The following RBM19 variants were observed in gnomAD, a reference collection of about 807,000 sequenced individuals.
The protein encoded by RBM19 is probable RNA-binding protein 19.
RBM19 carries 94 observed loss-of-function variants against 116.8 expected under a neutral mutation model. The ratio of observed to expected loss-of-function variants is 0.80; its 90% CI spans 0.68 to 0.95. The LOEUF (loss-of-function observed/expected upper bound fraction) is 0.95. Ranked by LOEUF, RBM19 falls within the 40% of genes least tolerant of loss-of-function variation. RBM19 has a pLI of 0.00. For synonymous variants in RBM19, 475 were observed against 494.1 expected (o/e 0.96, Z 0.51); for missense variants, 1,161 against 1,220.7 (o/e 0.95, Z 0.73).
At chr12:113,942,246 C>T in intron 14 of RBM19, 78 bp downstream of exon 14, 1 of 1,213,966 alleles carries the variant, frequency 8.2e-7, no homozygotes, top group Non-Finnish European at 1.2e-6. Context: ...TCCTTAAATC[C>T]ATCTGCATCT....
chr12:113,914,434 C>T (rs1239644129), intron 21 of RBM19, among the ~76,000 whole-genome samples: 4 of 152,236 alleles, frequency 2.6e-5, no homozygotes, highest in South Asian at 2.1e-4. Flanking sequence ...TCCCCAACCC[C>T]GGCTGGACAT....
At chr12:113,920,120 C>A in intron 19 of RBM19, among the ~76,000 whole-genome samples, 1 of 152,196 alleles carries the variant, frequency 6.6e-6, no homozygotes, top group East Asian at 1.9e-4. Flanking sequence ...GGTCCCTCCT[C>A]CCCAACTACC....
At chr12:113,949,914 G>A (rs915764594) in intron 9 of RBM19, among the ~76,000 whole-genome samples, 169 bp downstream of exon 9, 11 of 152,132 alleles carry the variant, frequency 7.2e-5, no homozygotes, top group African/African-American at 2.2e-4. Flanking sequence ...AAAGGGCAGG[G>A]ATTTGGGTCT....
intron 17 of RBM19, among the ~76,000 whole-genome samples, chr12:113,925,570 G>A (rs915172900): frequency 2.0e-5 from 3 of 152,298 alleles, no homozygotes; most frequent in Non-Finnish European, 2.9e-5. Context: ...TGATCGCTAC[G>A]CATGGCTCTC....
chr12:113,905,976 G>A (rs1192711238), intron 21 of RBM19, among the ~76,000 whole-genome samples: 1 of 152,232 alleles, frequency 6.6e-6, no homozygotes, highest in Non-Finnish European at 1.5e-5. Flanking sequence ...ACCAAGTGTG[G>A]ACGAGGATGA....
intron 23 of RBM19, among the ~76,000 whole-genome samples, chr12:113,823,885 T>C (rs1435683482): frequency 2.6e-5 from 4 of 152,158 alleles, no homozygotes; most frequent in Non-Finnish European, 5.9e-5. Context: ...GTGCAGTACA[T>C]GGCTGGCATA....
In RBM19 at chr12:113,823,261, C is replaced by A. The variant is rs200223784; in HGVS notation, c.2846G>T (p.Ser949Ile). ...LDEILEQLEG[S>I]DSDSEEQTLQ... ...GGTCTGCTCCTCGCTGTCGCTGTCACTGCCTTCCAGCTGCTCCAGGATCTC... is the reference window on the plus strand; with the variant it reads ...GGTCTGCTCCTCGCTGTCGCTGTCAATGCCTTCCAGCTGCTCCAGGATCTC... Residue 949 changes from serine to isoleucine, a missense_variant, in exon 24 of 24, where the codon AGT becomes ATT. By Grantham distance (142) the Ser-to-Ile change is moderately radical. Transcript: ENST00000261741. 10 of 1,612,884 alleles carry A rather than the reference C, an allele frequency of 6.2e-6. No individual in the cohort carries two copies. In the East Asian group the frequency reaches 1.8e-4, roughly 29 times the overall value.
intron 23 of RBM19, among the ~76,000 whole-genome samples, chr12:113,831,317 G>A (rs966076735): frequency 6.6e-6 from 1 of 152,172 alleles, no homozygotes; most frequent in South Asian, 2.1e-4. Context: ...TGGTCATGAA[G>A]CAGTAATAAA....
At chr12:113,933,088 G>C (rs531299461) in intron 16 of RBM19, among the ~76,000 whole-genome samples, 34 of 152,224 alleles carry the variant, frequency 2.2e-4, no homozygotes, top group African/African-American at 7.7e-4. Flanking sequence ...TTTATCTGGA[G>C]GTGAGGGTCT....
intron 16 of RBM19, among the ~76,000 whole-genome samples, chr12:113,932,233 G>C (rs1372438913): frequency 1.3e-5 from 2 of 152,176 alleles, no homozygotes; most frequent in Admixed American, 6.5e-5. Flanking sequence ...ATCTAAAAAG[G>C]GGCTGGCCAT....
intron 16 of RBM19, among the ~76,000 whole-genome samples, chr12:113,932,341 C>T (rs185782294): frequency 4.6e-5 from 7 of 152,342 alleles, no homozygotes; most frequent in Admixed American, 2.6e-4. Flanking sequence ...AGAACAGTTT[C>T]GTTCTTAATA....
chr12:113,895,294 G>A (rs949264344), intron 21 of RBM19, among the ~76,000 whole-genome samples: 2 of 152,184 alleles, frequency 1.3e-5, no homozygotes, highest in Admixed American at 6.5e-5. Context: ...GAGAGAGTGT[G>A]TGTCAGTCCA....
At chr12:113,821,920 C>T (rs3782422), downstream of RBM19, 5 of 151,824 alleles carry the variant, frequency 3.3e-5, no homozygotes, top group Non-Finnish European at 7.4e-5. Context: ...TGGGCCACTC[C>T]GAAAACTGGA....
chr12:113,921,087 C>T (rs775133645), intron 18 of RBM19, among the ~76,000 whole-genome samples: 10 of 152,328 alleles, frequency 6.6e-5, no homozygotes, highest in African/African-American at 1.2e-4. Context: ...GAGAGTCAAA[C>T]GCACCAAAGG....
chr12:113,943,335 C>T (rs1312420935), intron 13 of RBM19, among the ~76,000 whole-genome samples: 1 of 152,102 alleles, frequency 6.6e-6, no homozygotes, highest in Non-Finnish European at 1.5e-5. Flanking sequence ...GGCTGCAGGC[C>T]CCCAGCTGGC....
chr12:113,939,309 A>G (rs931406239), intron 15 of RBM19, among the ~76,000 whole-genome samples: 17 of 151,982 alleles, frequency 1.1e-4, no homozygotes, highest in African/African-American at 4.1e-4. Context: ...CTGTCTTTCA[A>G]AATAAATAAA....
At chr12:113,890,573 A>T (rs1014442480) in intron 21 of RBM19, among the ~76,000 whole-genome samples, 1 of 152,106 alleles carries the variant, frequency 6.6e-6, no homozygotes, top group Admixed American at 6.6e-5. Flanking sequence ...CTGGCTTCCG[A>T]GTGTATCGGG....
At chr12:113,837,246 T>TACACAC (rs34948952) in intron 23 of RBM19, among the ~76,000 whole-genome samples, 8,584 of 126,766 alleles carry the variant, frequency 0.068, 603 homozygotes, top group African/African-American at 0.18. Context: ...ATCCTCCTAA[T>TACACAC]ACACACACAC....
intron 21 of RBM19, among the ~76,000 whole-genome samples, chr12:113,907,768 C>A (rs1217100562): frequency 6.6e-6 from 1 of 152,190 alleles, no homozygotes; most frequent in Non-Finnish European, 1.5e-5. Flanking sequence ...TTGTGTTTAA[C>A]TGAGTCCAGG....
Sources: allele counts gnomAD v4.1 joint callset (sites outside exome capture counted in the v4.1 genomes callset), GRCh38; gene constraint gnomAD v4.1.1; transcripts MANE v1.5; gene names NCBI Gene and HGNC (gene_info 2026-07-23, HGNC 2026-07-21).